Variants in REXO1 observed in about 807,000 individuals in gnomAD.
The protein encoded by REXO1 is REX1, RNA exonuclease 1 homolog.
In REXO1, 42 loss-of-function variants were observed where a neutral mutation model predicts 102.6. The ratio of observed to expected loss-of-function variants is 0.41; its 90% confidence interval spans 0.32 to 0.53. The LOEUF (loss-of-function observed/expected upper bound fraction) is 0.53. REXO1 is among the 20% of genes least tolerant of loss of function. REXO1 has a pLI of 0.27. For synonymous variants in REXO1, 908 were observed against 779.1 expected (o/e 1.17, Z -2.76); for missense variants, 1,819 against 1,732.5 (o/e 1.05, Z -0.89).
At chr19:1,836,736 A>ATT (rs1555825189) in intron 1 of REXO1, among the ~76,000 whole-genome samples, 32 of 131,552 alleles carry the variant, frequency 2.4e-4, no homozygotes, top group Non-Finnish European at 4.4e-4. Context: ...ACAGAGCAAG[A>ATT]CTGTCTCAAA....
chr19:1,842,316 A>G (rs1377217375), intron 1 of REXO1, among the ~76,000 whole-genome samples: 1 of 151,924 alleles, frequency 6.6e-6, no homozygotes, highest in East Asian at 1.9e-4. Context: ...CCCAAGCTAG[A>G]TCTCTGTCTG....
chr19:1,823,246 A>C (rs2069602768), intron 4 of REXO1: 1 of 328,794 alleles, frequency 3.0e-6, no homozygotes, highest in African/African-American at 2.1e-5. Context: ...CCTGCTCCCC[A>C]CCCAATGCCA....
intron 1 of REXO1, among the ~76,000 whole-genome samples, chr19:1,829,665 GGGCGTGGT>G (rs2069850589): frequency 6.6e-6 from 1 of 152,124 alleles, no homozygotes; most frequent in Non-Finnish European, 1.5e-5. Flanking sequence ...AAAATTAGCC[GGGCGTGGT>G]GGCGCATGCC....
intron 5 of REXO1, 100 bp downstream of exon 5, chr19:1,821,419 G>T: frequency 7.1e-7 from 1 of 1,416,228 alleles, no homozygotes; most frequent in Non-Finnish European, 9.8e-7. Flanking sequence ...ACGAAGGCCC[G>T]CAGGGCAGGG....
intron 5 of REXO1, 34 bp from the exon 6 acceptor site, chr19:1,820,429 G>T: frequency 6.2e-7 from 1 of 1,608,932 alleles, no homozygotes; most frequent in Non-Finnish European, 8.5e-7. Context: ...ATGGGTGAGG[G>T]CCTCCACAAG....
At chr19:1,840,798 C>T (rs913729276) in intron 1 of REXO1, among the ~76,000 whole-genome samples, 8 of 152,162 alleles carry the variant, frequency 5.3e-5, no homozygotes, top group African/African-American at 1.7e-4. Context: ...GCCACAGACA[C>T]TGAGTCTAGA....
chr19:1,823,259 T>C (rs2069603163), intron 4 of REXO1: 1 of 348,630 alleles, frequency 2.9e-6, no homozygotes, highest in Non-Finnish European at 5.1e-6. Flanking sequence ...CAATGCCAGG[T>C]ACCCCGACAT....
At chr19:1,847,227 A>G (rs1054879151) in intron 1 of REXO1, among the ~76,000 whole-genome samples, 1 of 152,244 alleles carries the variant, frequency 6.6e-6, no homozygotes, top group East Asian at 1.9e-4. Context: ...GGGAAATCAG[A>G]AAAAAATGCT....
chr19:1,844,160 C>T lies in REXO1; in HGVS notation c.157+4042G>A, dbSNP rs775674524. 2.0e-5 allele frequency among the ~76,000 whole-genome samples: 3 copies of T among 152,230 alleles called. No individual in the cohort carries two copies. In the East Asian group the frequency reaches 5.8e-4, roughly 29 times the overall value. ...AGCCCACAGAGGCTGGCAGCAAAAA[C>T]GGCAGAGGAGGCAGGCAGGGCCCCG... On this transcript the variant is annotated intron_variant, in intron 1 of 15. Coordinates refer to ENST00000170168, the MANE Select transcript of REXO1 (RefSeq NM_020695.4).
At chr19:1,845,765 C>A (rs536833914) in intron 1 of REXO1, among the ~76,000 whole-genome samples, 70 of 152,254 alleles carry the variant, frequency 4.6e-4, no homozygotes, top group Non-Finnish European at 7.8e-4. Flanking sequence ...CGCCAATGAC[C>A]CGCTGAGCCT....
chr19:1,826,065 T>G lies in REXO1; in HGVS notation c.1912-122A>C. On this transcript the variant is annotated intron_variant, in intron 2 of 15. Coordinates refer to ENST00000170168, the MANE Select transcript of REXO1 (RefSeq NM_020695.4). This position sits in a 1 kb window ranked among gnomAD's most constrained non-coding sequence, Gnocchi z 4.3. ...CAGTCCAGCCCCCAGGCACAGCAGC[T>G]GAGGGCTCAGGGCCAACAGTCCCTG... is the stretch of plus-strand genomic sequence containing the variant. 1.4e-6 allele frequency: 1 copy of G among 695,432 alleles called. No homozygotes were observed. Among genetic ancestry groups the G allele is most frequent in the Non-Finnish European group, 2.6e-6 (1 of 388,760 alleles). 43.1% of individuals were successfully genotyped at this position (695,432 alleles called of 1,614,324 possible). A position where few individuals can be genotyped will look rare whatever the true frequency, so the allele number is the denominator to read the frequency against.
intron 1 of REXO1, among the ~76,000 whole-genome samples, chr19:1,839,785 C>A (rs2011207878): frequency 6.6e-6 from 1 of 152,230 alleles, no homozygotes; most frequent in African/African-American, 2.4e-5. Flanking sequence ...GTCCTCCCTG[C>A]AGAAGCAGCA....
Position 1,815,868 on chromosome 19 carries a change from G to A in REXO1, c.*198C>T, listed in dbSNP as rs2069344338. The A allele has an allele frequency of 6.7e-7, 1 of 1,495,824 alleles. No individual in the cohort carries two copies. Among genetic ancestry groups the A allele is most frequent in the African/African-American group, 1.4e-5 (1 of 69,964 alleles). 92.7% of individuals were successfully genotyped at this position (1,495,824 alleles called of 1,614,324 possible). A position where few individuals can be genotyped will look rare whatever the true frequency, so the allele number is the denominator to read the frequency against. The stretch of plus-strand genomic sequence containing the variant: ...AGAGGGCTGGGGGGCAGAGGGTGGG[G>A]ACCGGCGGAGGGGTGCGGCAGGACG... On this transcript the variant is annotated 3_prime_UTR_variant, in exon 16 of 16. Transcript: ENST00000170168. The surrounding 1 kb of genome is among the most constrained non-coding windows in gnomAD (Gnocchi z 4.0).
chr19:1,833,402 C>A (rs2069957694), intron 1 of REXO1, among the ~76,000 whole-genome samples: 1 of 152,224 alleles, frequency 6.6e-6, no homozygotes, highest in African/African-American at 2.4e-5. Flanking sequence ...CAAGGCATTT[C>A]CAGGAAACGT....
At position 1,833,961 on chromosome 19, in the gene REXO1, C is replaced by T. The variant is rs562013309; in HGVS notation, c.158-5330G>A. On this transcript the variant is annotated intron_variant, in intron 1 of 15. Transcript: ENST00000170168. ...GGGGATGCAGAGAGGAGGAAGAGCC[C>T]GCCTAACGGGAAGGCTCTCCTCCCC... Among the ~76,000 whole-genome samples, 4 of 152,300 alleles carry T rather than the reference C, an allele frequency of 2.6e-5. No homozygotes were observed. The South Asian group carries it at 8.3e-4, about 32-fold the overall frequency.
At position 1,825,451 on chromosome 19, in the gene REXO1, G is replaced by A. The variant is rs191782839; in HGVS notation, c.2016+388C>T. Among the ~76,000 whole-genome samples the A allele has an allele frequency of 3.9e-3, 584 of 151,532 alleles. 1 individual carries two copies. The highest frequency in any genetic ancestry group is 6.7e-3 in the Non-Finnish European group (452 of 67,884). On this transcript the variant is annotated intron_variant, in intron 3 of 15. Transcript: ENST00000170168. Reference sequence around the variant, plus strand: ...GGTCAGGAGTTGGAAGACCAGCCTGGGTGACAAAGCAAGACCCCCTTTTTT... The same window carrying A: ...GGTCAGGAGTTGGAAGACCAGCCTGAGTGACAAAGCAAGACCCCCTTTTTT...
At chr19:1,818,970 G>A in intron 8 of REXO1, 48 bp downstream of exon 8, 1 of 1,565,200 alleles carries the variant, frequency 6.4e-7, no homozygotes, top group Non-Finnish European at 8.7e-7. Context: ...GGCTGGGCCG[G>A]CAGAGGCCCA....
At chr19:1,816,641 G>GGGGGGGC in intron 13 of REXO1, 57 bp downstream of exon 13, 6 of 1,021,764 alleles carry the variant, frequency 5.9e-6, no homozygotes, top group Non-Finnish European at 7.4e-6. Flanking sequence ...GGGAGGGTGG[G>GGGGGGGC]TCCCTGGGGA....
chr19:1,834,715 C>T (rs185172900), intron 1 of REXO1, among the ~76,000 whole-genome samples: 1 of 152,332 alleles, frequency 6.6e-6, no homozygotes, highest in East Asian at 1.9e-4. Context: ...TGAAACCTGC[C>T]CCAGCCTTTA....
Sources: gnomAD v4.1 joint callset for allele counts (sites outside exome capture counted in the v4.1 genomes callset) on GRCh38, gnomAD v4.1.1 for gene constraint, Gnocchi (gnomAD v3.1) non-coding constraint, MANE v1.5 for transcripts, NCBI Gene and HGNC (gene_info 2026-07-23, HGNC 2026-07-21) for gene names.